The following GALNT11 variants were observed in gnomAD, a reference collection of about 807,000 sequenced individuals.
The protein encoded by GALNT11 is UDP-GalNAc:polypeptide N-acetylgalactosaminyltransferase 11.
A neutral mutation model predicts 72.7 loss-of-function variants in GALNT11; 47 were observed. That is an observed-to-expected ratio of 0.65 (90% CI 0.51 to 0.82). GALNT11 has a LOEUF of 0.82. Among genes scored for constraint, GALNT11 ranks in the 40% least tolerant of loss-of-function variants. The pLI is 0.00. For missense variants in GALNT11, 677 were observed against 778.4 expected (o/e 0.87, Z 1.55); for synonymous variants, 270 against 286.6 (o/e 0.94, Z 0.58).
At chr7:152,097,505 A>G (rs1384898102) in intron 2 of GALNT11, among the ~76,000 whole-genome samples, 1 of 152,222 alleles carries the variant, frequency 6.6e-6, no homozygotes, top group Non-Finnish European at 1.5e-5. Context: ...CAGGGTTTGT[A>G]CTTGGAAGAA....
intron 1 of GALNT11, among the ~76,000 whole-genome samples, chr7:152,034,760 C>T (rs186297362): frequency 1.0e-3 from 152 of 152,260 alleles, no homozygotes; most frequent in African/African-American, 2.5e-3. Flanking sequence ...CACTCACTGA[C>T]GCAGCAGCAG....
chr7:152,048,077 C>A (rs947886909), intron 1 of GALNT11, among the ~76,000 whole-genome samples: 14 of 152,074 alleles, frequency 9.2e-5, no homozygotes, highest in Middle Eastern at 3.4e-3. Flanking sequence ...TTTGGCATTT[C>A]TTTTAAGATA....
Position 152,079,221 on chromosome 7 carries a change from A to T in GALNT11, c.-38-14969A>T, listed in dbSNP as rs142005046. On this transcript the variant is annotated intron_variant, in intron 1 of 11. Coordinates refer to ENST00000430044, the MANE Select transcript of GALNT11 (RefSeq NM_022087.4). The stretch of plus-strand genomic sequence containing the variant: ...TAGAATTAGGAGGTAGAAACTACTG[A>T]CCTCATGCTTGCTCCCTGAGGCTAG... 10 of 152,234 alleles carry T rather than the reference A, an allele frequency of 6.6e-5. No homozygotes were observed. In the East Asian group the frequency reaches 1.7e-3, roughly 26 times the overall value. The allele number at this position is 152,234 out of a possible 1,614,324, so 9.4% of individuals were successfully genotyped here.
At position 152,055,021 on chromosome 7, in the gene GALNT11, C is replaced by T. The variant is rs145290712; in HGVS notation, c.-39+29137C>T. On this transcript the variant is annotated intron_variant, in intron 1 of 11. Coordinates refer to ENST00000430044, the MANE Select transcript of GALNT11 (RefSeq NM_022087.4). The stretch of plus-strand genomic sequence containing the variant: ...GCAAATCTGAAATCTGTGGAGCAGG[C>T]CAGAGACACAGGGAGGAGTTGCTGT... Among the ~76,000 whole-genome samples the T allele has an allele frequency of 2.0e-5, 3 of 152,212 alleles. No homozygotes were observed. In the East Asian group the frequency reaches 5.8e-4, roughly 29 times the overall value.
intron 8 of GALNT11, among the ~76,000 whole-genome samples, chr7:152,114,690 C>T (rs969884674): frequency 6.6e-6 from 1 of 152,114 alleles, no homozygotes. Flanking sequence ...CCTCAGCCTC[C>T]CGAGTAGCTG....
chr7:152,113,161 TA>T, intron 7 of GALNT11, 84 bp from the exon 8 acceptor site: 1 of 1,427,078 alleles, frequency 7.0e-7, no homozygotes, highest in Non-Finnish European at 9.5e-7. Context: ...ACCTATTGAA[TA>T]AAGATTAATT....
intron 9 of GALNT11, 65 bp from the exon 10 acceptor site, chr7:152,118,613 C>A: frequency 6.9e-7 from 1 of 1,451,868 alleles, no homozygotes; most frequent in Non-Finnish European, 9.5e-7. Flanking sequence ...CCTGGAACCA[C>A]CTCCAGGCTT....
chr7:152,025,862 G>A lies in GALNT11; in HGVS notation c.-61G>A, dbSNP rs2081979611. ...CGCAGCCCGAGTCCCAGAAGGCGGCGATCCTGGGCTGCGGGCAAGGCGGTG... is the reference window on the plus strand; with the variant it reads ...CGCAGCCCGAGTCCCAGAAGGCGGCAATCCTGGGCTGCGGGCAAGGCGGTG... On this transcript the variant is annotated 5_prime_UTR_variant, in exon 1 of 12. Coordinates refer to ENST00000430044, the MANE Select transcript of GALNT11 (RefSeq NM_022087.4). 2.5e-5 allele frequency: 7 copies of A among 284,124 alleles called. No individual in the cohort carries two copies. Among genetic ancestry groups the A allele is most frequent in the South Asian group, 1.9e-4 (7 of 36,030 alleles). 17.6% of individuals were successfully genotyped at this position (284,124 alleles called of 1,614,324 possible). A position where few individuals can be genotyped will look rare whatever the true frequency, so the allele number is the denominator to read the frequency against.
At chr7:152,034,587 C>T (rs2082465842) in intron 1 of GALNT11, among the ~76,000 whole-genome samples, 1 of 152,100 alleles carries the variant, frequency 6.6e-6, no homozygotes, top group South Asian at 2.1e-4. Context: ...ACAAAACCGC[C>T]CGCAGTTTTG....
In GALNT11 at chr7:152,084,948, A is replaced by G. The variant is rs184497282; in HGVS notation, c.-38-9242A>G. ...GATTCTGCTGTCAATGTCCCCCTCC[A>G]AAGTCACAATGTTGAGCATCTCATT... On this transcript the variant is annotated intron_variant, in intron 1 of 11. Coordinates refer to ENST00000430044, the MANE Select transcript of GALNT11 (RefSeq NM_022087.4). Among the ~76,000 whole-genome samples the G allele has an allele frequency of 3.1e-3, 463 of 151,732 alleles. 2 individuals carry two copies. Among genetic ancestry groups the G allele is most frequent in the African/African-American group, 0.011 (445 of 41,080 alleles).
intron 4 of GALNT11, 56 bp downstream of exon 4, chr7:152,103,334 T>A (rs777413386): frequency 6.5e-7 from 1 of 1,547,456 alleles, no homozygotes; most frequent in Admixed American, 1.7e-5. Context: ...ACTACAGCAC[T>A]GACAAACACT....
intron 1 of GALNT11, among the ~76,000 whole-genome samples, chr7:152,030,567 C>A (rs1345818502): frequency 6.6e-6 from 1 of 152,138 alleles, no homozygotes; most frequent in Non-Finnish European, 1.5e-5. Flanking sequence ...AGTCTCTTGC[C>A]TCGGCACCTG....
intron 1 of GALNT11, among the ~76,000 whole-genome samples, chr7:152,030,031 T>C (rs1320124446): frequency 1.3e-5 from 2 of 152,242 alleles, no homozygotes; most frequent in Non-Finnish European, 2.9e-5. Flanking sequence ...TTACTGTGGC[T>C]TTTAAAGGAA....
chr7:152,121,399 A>G (rs778495755), intron 11 of GALNT11, 147 bp from the exon 12 acceptor site: 41 of 821,174 alleles, frequency 5.0e-5, no homozygotes, highest in Non-Finnish European at 7.2e-5. Flanking sequence ...ATTGTGCTGC[A>G]GATAACAAAC....
At chr7:152,120,666 A>C (rs969348936) in intron 10 of GALNT11, 165 bp from the exon 11 acceptor site, 12 of 617,824 alleles carry the variant, frequency 1.9e-5, no homozygotes, top group African/African-American at 1.3e-4. Flanking sequence ...TGCCTTAGCT[A>C]TCTGAAGTGG....
chr7:152,116,343 C>T (rs1370727551), intron 8 of GALNT11, among the ~76,000 whole-genome samples: 1 of 152,116 alleles, frequency 6.6e-6, no homozygotes, highest in African/African-American at 2.4e-5. Context: ...CTCCACCTCC[C>T]AGGTTCAAGT....
At chr7:152,067,019 G>C (rs2084351264) in intron 1 of GALNT11, among the ~76,000 whole-genome samples, 1 of 152,094 alleles carries the variant, frequency 6.6e-6, no homozygotes, top group Non-Finnish European at 1.5e-5. Flanking sequence ...CCTTCAATTT[G>C]TAAAACAAAC....
intron 1 of GALNT11, among the ~76,000 whole-genome samples, chr7:152,041,740 A>G (rs528831448): frequency 2.8e-4 from 43 of 152,348 alleles, no homozygotes; most frequent in Non-Finnish European, 6.0e-4. Flanking sequence ...TAGATTACTC[A>G]TGGCATAGGT....
At chr7:152,103,000 A>AG (rs1388611242) in intron 3 of GALNT11, 112 bp from the exon 4 acceptor site, 13 of 900,948 alleles carry the variant, frequency 1.4e-5, no homozygotes, top group African/African-American at 1.2e-4. Context: ...AAAAAAAGGC[A>AG]GGGGGTGGGG....
Sources: gnomAD v4.1 joint callset for allele counts (sites outside exome capture counted in the v4.1 genomes callset) on GRCh38, gnomAD v4.1.1 for gene constraint, MANE v1.5 for transcripts, NCBI Gene and HGNC (gene_info 2026-07-23, HGNC 2026-07-21) for gene names.